Variants in SIK3 observed in about 807,000 individuals in gnomAD.
The protein encoded by SIK3 is SIK family kinase 3, also known as serine/threonine-protein kinase SIK3.
Under a neutral mutation model 144.2 loss-of-function variants are expected in SIK3, and 28 were observed. The ratio of observed to expected loss-of-function variants is 0.19; its 90% CI spans 0.14 to 0.27. SIK3 has a LOEUF of 0.27. Among genes scored for constraint, SIK3 ranks in the 10% least tolerant of loss-of-function variants. SIK3 has a pLI of 1.00. For missense variants in SIK3, 1,319 were observed against 1,776.0 expected, an observed-to-expected ratio of 0.74 and a Z score of 4.62; for synonymous variants, 686 against 676.3, an observed-to-expected ratio of 1.01 and a Z score of -0.22.
Position 116,858,644 on chromosome 11 carries a change from G to A in SIK3, c.2821C>T (p.His941Tyr). The A allele has an allele frequency of 6.3e-7, 1 of 1,589,660 alleles. No individual in the cohort carries two copies. ...CCCCGGGACTGGTCCGAAAACAGAT[G>A]GGGGTGTAAATGCGCCTGGTCGTAG... is the stretch of plus-strand genomic sequence containing the variant. Reference protein sequence around the residue: ...ANYDQAHLHPHLFSDQSRGSP... With the variant: ...ANYDQAHLHPYLFSDQSRGSP... The change falls in exon 21 of 25, where the codon CAT becomes TAT. Residue 941 changes from histidine (H) to tyrosine (Y), a missense_variant. By Grantham distance (83) the His-to-Tyr change is moderately conservative. Transcript: ENST00000445177. This position sits in a 1 kb window ranked among gnomAD's most constrained non-coding sequence, Gnocchi z 5.4.
intron 4 of SIK3, among the ~76,000 whole-genome samples, chr11:116,922,908 T>TCTC (rs1491576774): frequency 4.5e-5 from 2 of 44,696 alleles, no homozygotes; most frequent in African/African-American, 1.9e-4. Flanking sequence ...TTCTTTTCTC[T>TCTC]TTTTTTTTTT....
chr11:117,057,933 T>G (rs1369179344), intron 1 of SIK3, among the ~76,000 whole-genome samples: 1 of 152,210 alleles, frequency 6.6e-6, no homozygotes, highest in Non-Finnish European at 1.5e-5. Flanking sequence ...GCTGCTATTA[T>G]TGTTGTTACC....
Position 117,097,997 on chromosome 11 carries a change from C to A in SIK3, c.273+146G>T, listed in dbSNP as rs1012364160. 45 of 1,115,196 alleles carry A rather than the reference C, an allele frequency of 4.0e-5. No individual in the cohort carries two copies. In the African/African-American group the frequency reaches 7.5e-4, roughly 19 times the overall value. The allele number at this position is 1,115,196 out of a possible 1,614,324, so 69.1% of individuals were successfully genotyped here. A position where few individuals can be genotyped will look rare whatever the true frequency, so the allele number is the denominator to read the frequency against. The stretch of plus-strand genomic sequence containing the variant: ...CAGGTGTCCCTAGCTCCGCGCCCGC[C>A]CCGCCGCGGCTGGCTCCCTCCCGCC... On this transcript the variant is annotated intron_variant, in intron 1 of 24. Transcript: ENST00000445177.
At chr11:116,968,388 C>T (rs1949640090) in intron 1 of SIK3, among the ~76,000 whole-genome samples, 1 of 152,218 alleles carries the variant, frequency 6.6e-6, no homozygotes, top group South Asian at 2.1e-4. Context: ...GTGATCCACA[C>T]ACCTTGGCCT....
rs773008173 is a variant in SIK3, at chr11:116,929,470, ATTTCT to A, written c.455-2095_455-2091del. 9.6e-4 allele frequency among the ~76,000 whole-genome samples: 146 copies of A among 152,294 alleles called. 1 individual carries two copies. Among genetic ancestry groups the A allele is most frequent in the African/African-American group, 3.3e-3 (137 of 41,540 alleles). ...AATTTCACAATTTCCAAAATAAGTG[ATTTCT>A]TTTATTAAGAAAGTCTTTATAAATT... On this transcript the variant is annotated intron_variant, in intron 3 of 24. Coordinates refer to ENST00000445177, the MANE Select transcript of SIK3 (RefSeq NM_001366686.3).
chr11:116,872,715 C>T (rs1280594215), intron 13 of SIK3, among the ~76,000 whole-genome samples: 1 of 152,170 alleles, frequency 6.6e-6, no homozygotes, highest in Non-Finnish European at 1.5e-5. Flanking sequence ...TTTAAATTTT[C>T]ACTGTTCTAA....
chr11:117,013,951 T>TGTGTGTGTGTGTGTG (rs1350690829), intron 1 of SIK3, among the ~76,000 whole-genome samples: 7 of 95,356 alleles, frequency 7.3e-5, no homozygotes, highest in East Asian at 2.7e-4. Flanking sequence ...TGTGTGTGTG[T>TGTGTGTGTGTGTGTG]TTTATTTCTT....
rs192724816 is a variant in SIK3, at chr11:117,034,925, C to T, written c.273+63218G>A. ...TAACATGGCTACAGCAATCAGTGTA[C>T]CTTGCTAATATTTTTAATAACTTTG... is the stretch of plus-strand genomic sequence containing the variant. On this transcript the variant is annotated intron_variant, in intron 1 of 24. Transcript: ENST00000445177. Among the ~76,000 whole-genome samples the T allele has an allele frequency of 3.5e-4, 54 of 152,274 alleles. 1 individual carries two copies. Among genetic ancestry groups the T allele is most frequent in the African/African-American group, 9.9e-4 (41 of 41,558 alleles).
intron 4 of SIK3, among the ~76,000 whole-genome samples, chr11:116,916,058 T>G (rs1323252057): frequency 6.6e-6 from 1 of 152,224 alleles, no homozygotes; most frequent in East Asian, 1.9e-4. Context: ...ATTTATTAAC[T>G]TCTAAAAAAT....
At chr11:116,999,991 G>A (rs1031160667) in intron 1 of SIK3, among the ~76,000 whole-genome samples, 2 of 151,996 alleles carry the variant, frequency 1.3e-5, no homozygotes, top group African/African-American at 2.4e-5. Flanking sequence ...TTTCCATTAT[G>A]GCAAGTAAAA....
At position 116,859,179 on chromosome 11, in the gene SIK3, T is replaced by C; in HGVS notation, c.2765+86A>G. The C allele has an allele frequency of 2.4e-6, 3 of 1,256,202 alleles. No individual in the cohort carries two copies. In the South Asian group the frequency reaches 4.4e-5, roughly 18 times the overall value. The allele number at this position is 1,256,202 out of a possible 1,614,324, so 77.8% of individuals were successfully genotyped here. ...ACAGCCTAGTCAGACCCATTCTCCT[T>C]CCCTCCTTTTCTCTCACTCTGCTAA... is the stretch of plus-strand genomic sequence containing the variant. On this transcript the variant is annotated intron_variant, in intron 20 of 24. Coordinates refer to ENST00000445177, the MANE Select transcript of SIK3 (RefSeq NM_001366686.3).
chr11:116,967,140 A>G (rs896286777), intron 1 of SIK3, among the ~76,000 whole-genome samples: 4 of 152,236 alleles, frequency 2.6e-5, no homozygotes, highest in African/African-American at 9.6e-5. Context: ...AATAAATTTT[A>G]AGATGAATTT....
intron 4 of SIK3, among the ~76,000 whole-genome samples, chr11:116,904,186 G>A (rs1303509069): frequency 6.6e-6 from 1 of 152,140 alleles, no homozygotes; most frequent in African/African-American, 2.4e-5. Flanking sequence ...CTCAAAGGAA[G>A]CAGAACTTGG....
intron 1 of SIK3, among the ~76,000 whole-genome samples, chr11:117,060,647 G>A (rs1477808828): frequency 6.6e-6 from 1 of 151,902 alleles, no homozygotes; most frequent in Non-Finnish European, 1.5e-5. Flanking sequence ...GAGAGGAAGG[G>A]ATGAATAGGT....
At chr11:117,012,487 C>G (rs887830235) in intron 1 of SIK3, among the ~76,000 whole-genome samples, 1 of 152,202 alleles carries the variant, frequency 6.6e-6, no homozygotes, top group Non-Finnish European at 1.5e-5. Flanking sequence ...ACTTTAACTT[C>G]AGACTACTTT....
At chr11:117,019,240 G>A (rs1018004361) in intron 1 of SIK3, among the ~76,000 whole-genome samples, 2 of 151,468 alleles carry the variant, frequency 1.3e-5, no homozygotes, top group South Asian at 2.1e-4. Flanking sequence ...GGCTGGTCTC[G>A]AACTCCTGAG....
At chr11:117,089,000 C>G (rs1470423826) in intron 1 of SIK3, among the ~76,000 whole-genome samples, 2 of 151,128 alleles carry the variant, frequency 1.3e-5, no homozygotes, top group Non-Finnish European at 3.0e-5. Flanking sequence ...TCTTTTTTTA[C>G]TTTTAAGTAA....
At chr11:117,026,742 G>A (rs75069043) in intron 1 of SIK3, among the ~76,000 whole-genome samples, 7,006 of 152,284 alleles carry the variant, frequency 0.046, 541 homozygotes, top group African/African-American at 0.16. Context: ...ACAATGAAGA[G>A]AAGGCTGGTG....
chr11:116,869,980 C>T (rs912888667), intron 14 of SIK3: 2 of 639,912 alleles, frequency 3.1e-6, no homozygotes, highest in Non-Finnish European at 4.7e-6. Context: ...ATCTCCAATT[C>T]CTTTTCAGTA....
Sources: allele counts gnomAD v4.1 joint callset (sites outside exome capture counted in the v4.1 genomes callset), GRCh38; gene constraint gnomAD v4.1.1; non-coding constraint Gnocchi (gnomAD v3.1); transcripts MANE v1.5; gene names NCBI Gene and HGNC (gene_info 2026-07-23, HGNC 2026-07-21).